Variants in ARFGEF1 observed in about 807,000 individuals in gnomAD.
ARFGEF1 encodes the protein brefeldin A-inhibited guanine nucleotide-exchange protein 1.
Under a neutral mutation model 231.0 loss-of-function variants are expected in ARFGEF1, and 42 were observed. That is an observed-to-expected ratio of 0.18 (90% CI 0.14 to 0.24). The LOEUF is 0.24. Ranked by LOEUF, ARFGEF1 falls within the 10% of genes least tolerant of loss-of-function variation. The probability of loss-of-function intolerance (pLI) is 1.00; values close to 1 mark genes in which losing one functional copy is unlikely to be tolerated. For missense variants in ARFGEF1, 1,345 were observed against 2,192.0 expected (o/e 0.61, Z 7.72); for synonymous variants, 710 against 732.3 (o/e 0.97, Z 0.49).
chr8:67,204,719 T>G lies in ARFGEF1; in HGVS notation c.4920A>C (p.Thr1640=), dbSNP rs1838450897. The G allele has an allele frequency of 1.9e-6, 3 of 1,613,636 alleles. No homozygotes were observed. The highest frequency in any genetic ancestry group is 2.5e-6 in the Non-Finnish European group (3 of 1,179,878). Residue 1640 remains threonine, a synonymous_variant, in exon 35 of 39, where the codon ACA becomes ACC. Coordinates refer to ENST00000262215, the MANE Select transcript of ARFGEF1 (RefSeq NM_006421.5). ...TIDNIVFFPA[T]SKKEDAENLA... ...AGTTTTCTGCATCTTCTTTCTTACT[T>G]GTGGCTGGGAAGAAGACAATGTTGT...
At chr8:67,263,854 T>C (rs1307293432) in intron 14 of ARFGEF1, among the ~76,000 whole-genome samples, 3 of 152,164 alleles carry the variant, frequency 2.0e-5, no homozygotes, top group South Asian at 2.1e-4. Context: ...CTAACTTAGA[T>C]GGTCATAATA....
chr8:67,306,762 T>TA (rs1161992045), intron 1 of ARFGEF1, among the ~76,000 whole-genome samples: 5 of 151,840 alleles, frequency 3.3e-5, no homozygotes, highest in Admixed American at 1.3e-4. Context: ...AGCAAATGGA[T>TA]AGTTTTGTTT....
chr8:67,343,073 G>C (rs984868294), intron 1 of ARFGEF1, 91 bp downstream of exon 1: 1 of 1,415,412 alleles, frequency 7.1e-7, no homozygotes, highest in African/African-American at 1.4e-5. Context: ...GCGGGCCTCG[G>C]GCAAGCCCCG....
chr8:67,321,879 C>T (rs1807613889), intron 1 of ARFGEF1, among the ~76,000 whole-genome samples: 1 of 152,194 alleles, frequency 6.6e-6, no homozygotes, highest in Admixed American at 6.5e-5. Flanking sequence ...CTACATAGTG[C>T]CAGAGTGATC....
At chr8:67,219,182 G>A (rs1223511361) in intron 30 of ARFGEF1, among the ~76,000 whole-genome samples, 1 of 152,136 alleles carries the variant, frequency 6.6e-6, no homozygotes, top group East Asian at 1.9e-4. Context: ...GGCCAGGCTG[G>A]TCTCAAACCC....
chr8:67,194,919 T>TAATA (rs200053934), downstream of ARFGEF1, among the ~76,000 whole-genome samples: 1 of 152,244 alleles, frequency 6.6e-6, no homozygotes, highest in East Asian at 1.9e-4. Context: ...CAAAATAACT[T>TAATA]AATAATTTCC....
At chr8:67,321,499 C>T (rs370086553) in intron 1 of ARFGEF1, among the ~76,000 whole-genome samples, 20 of 152,062 alleles carry the variant, frequency 1.3e-4, no homozygotes, top group Non-Finnish European at 2.8e-4. Flanking sequence ...CTCGCTCTGT[C>T]GCCCAGGCTG....
At chr8:67,268,807 T>C (rs1189355415) in intron 10 of ARFGEF1, among the ~76,000 whole-genome samples, 3 of 152,230 alleles carry the variant, frequency 2.0e-5, no homozygotes, top group African/African-American at 7.2e-5. Context: ...AAGACAAATA[T>C]CCATTAAGTT....
At chr8:67,296,811 C>T (rs774843776) in intron 4 of ARFGEF1, among the ~76,000 whole-genome samples, 6 of 151,848 alleles carry the variant, frequency 4.0e-5, no homozygotes, top group African/African-American at 4.8e-5. Flanking sequence ...CCACCACACC[C>T]GGCTAATTTT....
rs539519602 is a variant in ARFGEF1 at position 67,331,184 on chromosome 8, G to A, written c.124+11980C>T. On this transcript the variant is annotated intron_variant, in intron 1 of 38. Transcript: ENST00000262215. ...TGATGTGATGTTTTAAAATTACTTAGTAACTGCTATTAAAACACCCATCGA... is the reference window on the plus strand; with the variant it reads ...TGATGTGATGTTTTAAAATTACTTAATAACTGCTATTAAAACACCCATCGA... Among the ~76,000 whole-genome samples, 499 of 152,236 alleles carry A rather than the reference G, an allele frequency of 3.3e-3. 3 individuals are homozygous for A. Among genetic ancestry groups the A allele is most frequent in the African/African-American group, 0.012 (481 of 41,540 alleles).
chr8:67,250,178 C>T (rs905466413), intron 19 of ARFGEF1, among the ~76,000 whole-genome samples: 2 of 152,010 alleles, frequency 1.3e-5, no homozygotes, highest in Non-Finnish European at 1.5e-5. Context: ...TCATGCAAAG[C>T]CAATAAAAAG....
At chr8:67,341,248 C>G (rs1265406315) in intron 1 of ARFGEF1, among the ~76,000 whole-genome samples, 1 of 151,908 alleles carries the variant, frequency 6.6e-6, no homozygotes, top group East Asian at 1.9e-4. Flanking sequence ...TTGATACTTA[C>G]AATTTAATGT....
Position 67,238,908 on chromosome 8 carries a change from A to G in ARFGEF1, c.2980-15T>C, listed in dbSNP as rs1587111357. The G allele has an allele frequency of 6.2e-7, 1 of 1,610,720 alleles. No individual in the cohort carries two copies. The highest frequency in any genetic ancestry group is 2.2e-5 in the East Asian group (1 of 44,778). ...TCTCTCTCCAGCTATAAAAAAGAGA[A>G]AAGTATGTTTACACAGTTCTAAATA... On this transcript the variant is annotated splice_polypyrimidine_tract_variant and intron_variant, in intron 20 of 38. Coordinates refer to ENST00000262215, the MANE Select transcript of ARFGEF1 (RefSeq NM_006421.5).
chr8:67,227,845 A>T, intron 25 of ARFGEF1, 118 bp downstream of exon 25: 1 of 931,286 alleles, frequency 1.1e-6, no homozygotes, highest in Non-Finnish European at 1.5e-6. Flanking sequence ...TTTCTAATTT[A>T]ATATTAAAAA....
At position 67,201,103 on chromosome 8, in the gene ARFGEF1, T is replaced by C. The variant is rs187124447; in HGVS notation, c.5267+364A>G. On this transcript the variant is annotated intron_variant, in intron 37 of 38. Transcript: ENST00000262215. ...GCTTAAAGTAAAAGAGTAAAAAAAG[T>C]AACGCTAAGAAAAACTCCAAATATT... is the stretch of plus-strand genomic sequence containing the variant. 8.5e-5 allele frequency among the ~76,000 whole-genome samples: 13 copies of C among 152,300 alleles called. 1 individual carries two copies. In the East Asian group the frequency reaches 1.9e-3, roughly 23 times the overall value.
intron 17 of ARFGEF1, among the ~76,000 whole-genome samples, chr8:67,256,248 C>T (rs1314455108): frequency 1.3e-5 from 2 of 152,134 alleles, no homozygotes; most frequent in Middle Eastern, 3.4e-3. Flanking sequence ...GACTATACTG[C>T]CAAAAATATG....
chr8:67,262,100 A>G (rs1804648218), intron 14 of ARFGEF1, among the ~76,000 whole-genome samples: 3 of 152,192 alleles, frequency 2.0e-5, no homozygotes, highest in African/African-American at 7.2e-5. Flanking sequence ...CTTCTGTTGA[A>G]TCTGGGCAAA....
chr8:67,318,368 G>A (rs1807425526), intron 1 of ARFGEF1, among the ~76,000 whole-genome samples: 3 of 152,006 alleles, frequency 2.0e-5, no homozygotes, highest in African/African-American at 7.2e-5. Flanking sequence ...TAGCAATAGA[G>A]GAGAATGATA....
Position 67,200,448 on chromosome 8 carries a change from G to C in ARFGEF1, c.5333C>G (p.Thr1778Ser). 6.2e-7 allele frequency: 1 copy of C among 1,605,390 alleles called. No homozygotes were observed. The highest frequency in any genetic ancestry group is 1.3e-5 in the African/African-American group (1 of 74,784). Residue 1778 changes from threonine to serine, a missense_variant, in exon 38 of 39, where the codon ACT (threonine) becomes AGT (serine). Around this residue, in one of 14 missense-constraint regions of ARFGEF1, gnomAD observed 161 missense variants for 284.9 expected, o/e 0.57. Transcript: ENST00000262215. ...LTSESHREAW[T>S]NLLLLFLTKV... ...AGTTAGAAACAAAAGCAGTAAGTTA[G>C]TCCAGGCTTCTCGATGACTTTCTGA...
Sources: allele counts gnomAD v4.1 joint callset (sites outside exome capture counted in the v4.1 genomes callset), GRCh38; gene constraint gnomAD v4.1.1; regional missense constraint gnomAD v4.1.1; transcripts MANE v1.5; gene names NCBI Gene and HGNC (gene_info 2026-07-23, HGNC 2026-07-21).